The following TEKTL1 variants were observed in gnomAD, a reference collection of about 807,000 sequenced individuals.
The protein encoded by TEKTL1 is tektin like 1, also known as tektin-like protein 1.
chr19:15,021,936 G>C, the TEKTL1 span: 2 of 1,595,996 alleles, frequency 1.3e-6, no homozygotes, highest in South Asian at 1.1e-5. Flanking sequence ...CCCCTCCCCC[G>C]TACCCCTCTA....
At chr19:15,010,808 A>C in the TEKTL1 span, 1 of 1,511,404 alleles carries the variant, frequency 6.6e-7, no homozygotes. Flanking sequence ...GGCCAGGCCG[A>C]GAGACCAAGC....
chr19:15,022,055 G>T, the TEKTL1 span: 10 of 711,168 alleles, frequency 1.4e-5, no homozygotes, highest in Admixed American at 2.6e-4. Flanking sequence ...ACGAAGTGGG[G>T]AGGCGGGGGC....
At chr19:15,010,982 G>A in the TEKTL1 span, 2 of 1,593,428 alleles carry the variant, frequency 1.3e-6, no homozygotes, top group Non-Finnish European at 1.7e-6. Context: ...CAAGGACAGC[G>A]TGCTGGACCC....
chr19:15,012,975 G>T, the TEKTL1 span, among the ~76,000 whole-genome samples: 1 of 152,026 alleles, frequency 6.6e-6, no homozygotes, highest in Admixed American at 6.6e-5. Context: ...GCTTCAGGAA[G>T]TGAAAATCTC....
chr19:15,011,203 G>A, the TEKTL1 span: 46 of 1,473,932 alleles, frequency 3.1e-5, no homozygotes, highest in African/African-American at 5.8e-4. Flanking sequence ...CCGAGGTGGT[G>A]CACGCGCACG....
the TEKTL1 span, among the ~76,000 whole-genome samples, chr19:15,013,383 C>T: frequency 6.6e-6 from 1 of 152,106 alleles, no homozygotes; most frequent in Non-Finnish European, 1.5e-5. Context: ...GAACAACCCT[C>T]CCCCAAGTTG....
the TEKTL1 span, chr19:15,020,368 A>G: frequency 0.47 from 526,178 of 1,123,744 alleles, 125,669 homozygotes; most frequent in East Asian, 0.67. Flanking sequence ...TTTACAGCCT[A>G]TAAGGCTCAA....
At chr19:15,021,381 G>A in the TEKTL1 span, 11 of 1,614,266 alleles carry the variant, frequency 6.8e-6, no homozygotes, top group Non-Finnish European at 9.3e-6. Context: ...ACGAAGCCAA[G>A]CGGTTGTTGG....
the TEKTL1 span, chr19:15,020,393 A>G: frequency 7.4e-7 from 1 of 1,351,752 alleles, no homozygotes; most frequent in South Asian, 1.3e-5. Context: ...GCAGCAGAGA[A>G]ATCACTTGCA....
chr19:15,011,094 G>C, the TEKTL1 span: 1 of 1,568,800 alleles, frequency 6.4e-7, no homozygotes, highest in South Asian at 1.2e-5. Context: ...CCGCCGCCAG[G>C]CGAGGGCGTC....
the TEKTL1 span, chr19:15,022,930 C>T: frequency 6.2e-6 from 10 of 1,610,202 alleles, no homozygotes; most frequent in South Asian, 1.1e-5. Context: ...ACGAGCTGCT[C>T]GCCACGCACA....
the TEKTL1 span, chr19:15,011,253 C>T: frequency 6.6e-7 from 1 of 1,509,286 alleles, no homozygotes; most frequent in Non-Finnish European, 8.8e-7. Context: ...CTCGGCCGCG[C>T]GCAGCACCAG....
At chr19:15,020,520 G>A in the TEKTL1 span, 22 of 1,613,784 alleles carry the variant, frequency 1.4e-5, no homozygotes, top group Non-Finnish European at 1.3e-5. Context: ...TCCAAGCCGT[G>A]GACCTCATGA....
chr19:15,015,469 G>A, the TEKTL1 span, among the ~76,000 whole-genome samples: 3 of 152,056 alleles, frequency 2.0e-5, no homozygotes, highest in Admixed American at 6.6e-5. Flanking sequence ...TTGCTCTACG[G>A]TGATTTCAAT....
the TEKTL1 span, chr19:15,020,432 C>T: frequency 6.2e-7 from 1 of 1,600,220 alleles, no homozygotes; most frequent in Non-Finnish European, 8.5e-7. Context: ...CCAGTTCTCA[C>T]TCTGTCTTCT....
the TEKTL1 span, chr19:15,011,251 C>T: frequency 2.0e-6 from 3 of 1,505,652 alleles, no homozygotes; most frequent in Non-Finnish European, 2.7e-6. Flanking sequence ...GCCTCGGCCG[C>T]GCGCAGCACC....
chr19:15,016,122 G>T, the TEKTL1 span, among the ~76,000 whole-genome samples: 16 of 151,920 alleles, frequency 1.1e-4, no homozygotes, highest in African/African-American at 3.9e-4. Flanking sequence ...CGAGGGTGTG[G>T]ACGAGGTAGG....
At chr19:15,021,297 A>C in the TEKTL1 span, 3 of 1,595,802 alleles carry the variant, frequency 1.9e-6, no homozygotes, top group Non-Finnish European at 2.6e-6. Context: ...AGAGAGGGAC[A>C]GGGGCTCTGG....
At chr19:15,022,224 C>T in the TEKTL1 span, among the ~76,000 whole-genome samples, 3 of 152,190 alleles carry the variant, frequency 2.0e-5, no homozygotes, top group South Asian at 4.1e-4. Flanking sequence ...TCAGCACCCA[C>T]TTCAAATGGT....
Sources: allele counts gnomAD v4.1 joint callset (sites outside exome capture counted in the v4.1 genomes callset), GRCh38; gene constraint gnomAD v4.1.1; transcripts MANE v1.5; gene names NCBI Gene and HGNC (gene_info 2026-07-23, HGNC 2026-07-21).